The following MAGI2 variants were observed in gnomAD, a reference collection of about 807,000 sequenced individuals.
MAGI2 encodes membrane associated guanylate kinase, WW and PDZ domain containing 2.
A neutral mutation model predicts 133.3 loss-of-function variants in MAGI2; 35 were observed. The ratio of observed to expected loss-of-function variants is 0.26; its 90% confidence interval spans 0.20 to 0.35. The LOEUF (loss-of-function observed/expected upper bound fraction) is 0.35, where lower values mean the gene tolerates loss of function less well. MAGI2 is among the 10% of genes least tolerant of loss of function. The probability of loss-of-function intolerance (pLI) is 1.00; values close to 1 mark genes in which losing one functional copy is unlikely to be tolerated. For synonymous variants in MAGI2, 729 were observed against 710.6 expected (o/e 1.03, Z -0.41); for missense variants, 1,636 against 1,863.4 (o/e 0.88, Z 2.25).
intron 2 of MAGI2, among the ~76,000 whole-genome samples, chr7:78,738,917 TAA>T (rs1822128289): frequency 1.3e-5 from 2 of 152,188 alleles, no homozygotes; most frequent in African/African-American, 4.8e-5. Flanking sequence ...CATAACTCAT[TAA>T]AATACTTACT....
At chr7:78,391,792 G>A (rs1308014664) in intron 6 of MAGI2, among the ~76,000 whole-genome samples, 1 of 152,168 alleles carries the variant, frequency 6.6e-6, no homozygotes, top group Non-Finnish European at 1.5e-5. Context: ...GCATCACCTA[G>A]GCATTCACTA....
At chr7:78,665,130 G>C (rs1383928051) in intron 2 of MAGI2, among the ~76,000 whole-genome samples, 1 of 151,832 alleles carries the variant, frequency 6.6e-6, no homozygotes, top group Non-Finnish European at 1.5e-5. Context: ...AATGAGTGAG[G>C]GTCAAATTTG....
In MAGI2 at chr7:78,341,303, A is replaced by G. The variant is rs199962005; in HGVS notation, c.1408+2475T>C. ...GAACTATAAACCACAGCTCAAGGGA[A>G]TAAGAGAGGACACAAACAAATGGAA... On this transcript the variant is annotated intron_variant, in intron 9 of 21. Transcript: ENST00000354212. Among the ~76,000 whole-genome samples the G allele has an allele frequency of 4.6e-5, 7 of 152,338 alleles. No individual in the cohort carries two copies. In the East Asian group the frequency reaches 1.4e-3, roughly 29 times the overall value.
At chr7:79,425,181 A>G (rs367601668) in intron 1 of MAGI2, among the ~76,000 whole-genome samples, 7 of 151,416 alleles carry the variant, frequency 4.6e-5, no homozygotes, top group African/African-American at 1.7e-4. Context: ...GAACCCAGGC[A>G]TCGGAGGTTG....
At chr7:78,451,697 A>AT (rs1307871633) in intron 6 of MAGI2, among the ~76,000 whole-genome samples, 2 of 152,168 alleles carry the variant, frequency 1.3e-5, no homozygotes, top group Non-Finnish European at 2.9e-5. Context: ...GAGTTTCTGC[A>AT]TAAAGCACTG....
intron 9 of MAGI2, among the ~76,000 whole-genome samples, chr7:78,314,716 A>G (rs1787224986): frequency 6.6e-6 from 1 of 152,304 alleles, no homozygotes; most frequent in Non-Finnish European, 1.5e-5. Flanking sequence ...ATAATTGTGG[A>G]GTATACTCAA....
intron 7 of MAGI2, among the ~76,000 whole-genome samples, chr7:78,364,912 AC>A (rs1793215216): frequency 6.6e-6 from 1 of 152,216 alleles, no homozygotes; most frequent in South Asian, 2.1e-4. Context: ...TAAGTGCTGC[AC>A]CATCACGGAT....
intron 1 of MAGI2, among the ~76,000 whole-genome samples, chr7:79,039,822 T>C (rs910030710): frequency 6.8e-6 from 1 of 146,464 alleles, no homozygotes; most frequent in Non-Finnish European, 1.5e-5. Context: ...TATATACATA[T>C]ATTTCATTGT....
At chr7:79,085,466 T>A (rs1337244221) in intron 1 of MAGI2, among the ~76,000 whole-genome samples, 1 of 151,964 alleles carries the variant, frequency 6.6e-6, no homozygotes, top group African/African-American at 2.4e-5. Context: ...TGTTGTCTAG[T>A]AAGTCCAATA....
intron 2 of MAGI2, among the ~76,000 whole-genome samples, chr7:78,896,556 TATA>T (rs1208775918): frequency 6.7e-6 from 1 of 148,476 alleles, no homozygotes; most frequent in African/African-American, 2.4e-5. Flanking sequence ...TATATAAAAA[TATA>T]ATATTAAAAA....
At chr7:78,170,815 TTATATG>T (rs1218515633) in intron 14 of MAGI2, 6 of 151,412 alleles carry the variant, frequency 4.0e-5, no homozygotes, top group Non-Finnish European at 8.8e-5. Flanking sequence ...TACATAATTA[TTATATG>T]TATATATTAT....
chr7:79,328,279 C>T (rs910091929), intron 1 of MAGI2, among the ~76,000 whole-genome samples: 1 of 152,074 alleles, frequency 6.6e-6, no homozygotes, highest in African/African-American at 2.4e-5. Context: ...TGCTAAATAC[C>T]TATGTCTTAC....
At chr7:78,238,803 T>C (rs1030268371) in intron 10 of MAGI2, among the ~76,000 whole-genome samples, 4 of 152,148 alleles carry the variant, frequency 2.6e-5, no homozygotes, top group African/African-American at 9.7e-5. Flanking sequence ...CTATCACTCC[T>C]CTGCTCAGAC....
chr7:78,017,737 T>A lies in MAGI2; in HGVS notation c.*1578A>T, dbSNP rs976494259. 1.3e-5 allele frequency: 2 copies of A among 152,608 alleles called. No individual in the cohort carries two copies. 9.5% of individuals were successfully genotyped at this position (152,608 alleles called of 1,614,324 possible). On this transcript the variant is annotated 3_prime_UTR_variant, in exon 22 of 22. Coordinates refer to ENST00000354212, the MANE Select transcript of MAGI2 (RefSeq NM_012301.4). ...CTCCGATGTTTGATGAAAATTAAAC[T>A]GCTACTCAGGATACTGCAATTACAA...
intron 2 of MAGI2, among the ~76,000 whole-genome samples, chr7:78,866,597 C>T (rs488478): frequency 0.62 from 94,510 of 151,570 alleles, 30,504 homozygotes; most frequent in Middle Eastern, 0.73. Flanking sequence ...TCCTGCTTAT[C>T]GGGGCTGCTG....
At chr7:79,337,400 T>C (rs1351342990) in intron 1 of MAGI2, among the ~76,000 whole-genome samples, 1 of 152,162 alleles carries the variant, frequency 6.6e-6, no homozygotes, top group Non-Finnish European at 1.5e-5. Context: ...GACTACCAAA[T>C]TAAATATTGT....
Position 79,393,768 on chromosome 7 carries a change from T to G in MAGI2, c.301+59252A>C, listed in dbSNP as rs1305562570. On this transcript the variant is annotated intron_variant, in intron 1 of 21. Coordinates refer to ENST00000354212, the MANE Select transcript of MAGI2 (RefSeq NM_012301.4). The stretch of plus-strand genomic sequence containing the variant: ...TTTCTAATTCTCCTCCTCCAATAAG[T>G]TGAATATGTGAAAGTATTTTACCTG... 3.9e-5 allele frequency among the ~76,000 whole-genome samples: 6 copies of G among 152,254 alleles called. No individual in the cohort carries two copies. The East Asian group carries it at 1.2e-3, about 29-fold the overall frequency.
At chr7:79,245,611 A>T (rs1266255848) in intron 1 of MAGI2, among the ~76,000 whole-genome samples, 2 of 152,202 alleles carry the variant, frequency 1.3e-5, no homozygotes, top group African/African-American at 4.8e-5. Flanking sequence ...GCTCAGCTGC[A>T]GTAGAATATA....
At chr7:79,333,971 T>A (rs1840260526) in intron 1 of MAGI2, among the ~76,000 whole-genome samples, 1 of 152,188 alleles carries the variant, frequency 6.6e-6, no homozygotes. Context: ...TTTCCAAAAA[T>A]ATTTAGTATT....
Sources: allele counts gnomAD v4.1 joint callset (sites outside exome capture counted in the v4.1 genomes callset), GRCh38; gene constraint gnomAD v4.1.1; transcripts MANE v1.5; gene names NCBI Gene and HGNC (gene_info 2026-07-23, HGNC 2026-07-21).